Variants in TANC2 observed in about 807,000 individuals in gnomAD.
TANC2 encodes tetratricopeptide repeat, ankyrin repeat and coiled-coil containing 2.
A neutral mutation model predicts 210.5 loss-of-function variants in TANC2; 26 were observed. The observed-to-expected ratio is 0.12, with a 90% CI of 0.09 to 0.17. The LOEUF (loss-of-function observed/expected upper bound fraction) is 0.17, where lower values mean the gene tolerates loss of function less well. TANC2 is among the 10% of genes least tolerant of loss of function. The pLI is 1.00. For synonymous variants in TANC2, 931 were observed against 967.1 expected (o/e 0.96, Z 0.69); for missense variants, 2,129 against 2,608.9 (o/e 0.82, Z 4.01).
intron 2 of TANC2, among the ~76,000 whole-genome samples, chr17:63,053,266 T>G (rs575959519): frequency 6.6e-6 from 1 of 152,224 alleles, no homozygotes; most frequent in Non-Finnish European, 1.5e-5. Context: ...CGGAAGTTCT[T>G]TCTAATCTCT....
chr17:63,132,889 C>G (rs1028917485), intron 4 of TANC2, among the ~76,000 whole-genome samples: 3 of 152,146 alleles, frequency 2.0e-5, no homozygotes, highest in Admixed American at 6.5e-5. Context: ...GACAAAGACT[C>G]ACTTTGTTTT....
intron 11 of TANC2, chr17:63,332,513 A>T: frequency 2.5e-6 from 1 of 397,312 alleles, no homozygotes. Flanking sequence ...AATCAGCCCC[A>T]CTGGATTTAG....
At chr17:63,305,421 C>G (rs1286803522) in intron 9 of TANC2, 2 of 152,186 alleles carry the variant, frequency 1.3e-5, no homozygotes, top group Non-Finnish European at 2.9e-5. Context: ...ATGATGGAAC[C>G]TGGGTACCTC....
rs565315190 is a variant in TANC2 at position 63,333,263 on chromosome 17, A to G, written c.1576-6838A>G. Among the ~76,000 whole-genome samples, 39 of 152,348 alleles carry G rather than the reference A, an allele frequency of 2.6e-4. 1 individual carries two copies. The South Asian group carries it at 8.1e-3, about 32-fold the overall frequency. On this transcript the variant is annotated intron_variant, in intron 11 of 27. Transcript: ENST00000689528. Reference sequence around the variant, plus strand: ...GAAAAGATTCACCATTCTAGATGCCATTAAGAACATCTATGATTCATAGGA... The same window carrying G: ...GAAAAGATTCACCATTCTAGATGCCGTTAAGAACATCTATGATTCATAGGA...
At chr17:63,402,020 G>A (rs897800922) in intron 19 of TANC2, among the ~76,000 whole-genome samples, 3 of 152,162 alleles carry the variant, frequency 2.0e-5, no homozygotes, top group East Asian at 1.9e-4. Context: ...TAGTCTGTTT[G>A]TGTCACTTTC....
rs190268905 is a variant in TANC2, at chr17:63,021,199, G to A, written c.67+11573G>A. Reference sequence around the variant, plus strand: ...TGAATAATGAATGCTCATAATAAACGATGTATGTGCAATAGTATGTAATGC... The same window carrying A: ...TGAATAATGAATGCTCATAATAAACAATGTATGTGCAATAGTATGTAATGC... On this transcript the variant is annotated intron_variant, in intron 2 of 27. Coordinates refer to ENST00000689528, the Ensembl canonical transcript of TANC2. Among the ~76,000 whole-genome samples the A allele has an allele frequency of 4.7e-3, 711 of 152,210 alleles. 5 individuals carry two copies. The highest frequency in any genetic ancestry group is 0.017 in the African/African-American group (687 of 41,522).
chr17:63,236,682 C>A (rs1298340925), intron 7 of TANC2, among the ~76,000 whole-genome samples: 1 of 152,110 alleles, frequency 6.6e-6, no homozygotes, highest in East Asian at 1.9e-4. Flanking sequence ...GCTCCATTGT[C>A]CGTCATTCCA....
At chr17:63,164,871 A>G (rs1422086309) in intron 5 of TANC2, among the ~76,000 whole-genome samples, 1 of 152,206 alleles carries the variant, frequency 6.6e-6, no homozygotes, top group Non-Finnish European at 1.5e-5. Flanking sequence ...GATCTTCTTT[A>G]CTTGGTCTAC....
chr17:63,312,949 CAGTT>C (rs1263563848), intron 9 of TANC2, among the ~76,000 whole-genome samples: 1 of 152,086 alleles, frequency 6.6e-6, no homozygotes, highest in Non-Finnish European at 1.5e-5. Flanking sequence ...TTTAAATGCT[CAGTT>C]ATTCTAGTGG....
At chr17:63,269,471 ACCT>A (rs2043631384) in intron 9 of TANC2, among the ~76,000 whole-genome samples, 1 of 152,176 alleles carries the variant, frequency 6.6e-6, no homozygotes. Context: ...ATCTATATGG[ACCT>A]TCAGATTTGA....
chr17:63,194,027 T>C, exon 6 of TANC2: 3 of 1,613,262 alleles, frequency 1.9e-6, no homozygotes, highest in Non-Finnish European at 8.5e-7. Flanking sequence ...CCTCCATCTG[T>C]AGATGAGGCA....
At chr17:63,010,572 C>T (rs2033821654) in intron 2 of TANC2, among the ~76,000 whole-genome samples, 1 of 151,880 alleles carries the variant, frequency 6.6e-6, no homozygotes, top group African/African-American at 2.4e-5. Context: ...TTAGCACAGA[C>T]CCTATGGGTT....
At chr17:63,333,884 A>G (rs535429602) in intron 11 of TANC2, 119 of 152,344 alleles carry the variant, frequency 7.8e-4, no homozygotes, top group African/African-American at 2.7e-3. Flanking sequence ...TCATGTGATC[A>G]TTAGCATTTT....
At chr17:63,061,655 T>A (rs1304444654) in intron 2 of TANC2, among the ~76,000 whole-genome samples, 1 of 152,098 alleles carries the variant, frequency 6.6e-6, no homozygotes, top group African/African-American at 2.4e-5. Flanking sequence ...TACATATACA[T>A]GCAGGGTTTT....
At position 63,227,744 on chromosome 17, in the gene TANC2, T is replaced by C. The variant is rs533948165; in HGVS notation, c.770-10070T>C. On this transcript the variant is annotated intron_variant, in intron 7 of 27. Transcript: ENST00000689528. ...CTAGGGTTTTTATTGTTTTGGGTTT[T>C]ACATTTAAGTCTTTAATTCATCTTG... Among the ~76,000 whole-genome samples the C allele has an allele frequency of 2.0e-5, 3 of 152,318 alleles. No individual in the cohort carries two copies. The South Asian group carries it at 6.2e-4, about 32-fold the overall frequency.
intron 2 of TANC2, among the ~76,000 whole-genome samples, chr17:63,027,171 T>G (rs2034585991): frequency 6.6e-6 from 1 of 152,152 alleles, no homozygotes; most frequent in Admixed American, 6.5e-5. Context: ...AACAACAATT[T>G]TTTTAAAGTA....
At chr17:63,081,974 G>A (rs1447756930) in intron 3 of TANC2, among the ~76,000 whole-genome samples, 1 of 152,016 alleles carries the variant, frequency 6.6e-6, no homozygotes, top group East Asian at 1.9e-4. Flanking sequence ...GACCATCCTG[G>A]CTAACATTGT....
chr17:63,167,803 T>C (rs1277651033), intron 5 of TANC2, among the ~76,000 whole-genome samples: 1 of 142,058 alleles, frequency 7.0e-6, no homozygotes, highest in African/African-American at 2.7e-5. Context: ...GAGAATCACT[T>C]GAGTCCAGGA....
intron 5 of TANC2, among the ~76,000 whole-genome samples, chr17:63,160,564 C>T (rs1396388374): frequency 1.3e-5 from 2 of 152,034 alleles, no homozygotes; most frequent in Non-Finnish European, 2.9e-5. Context: ...TGTTGCTGAA[C>T]ATTTAAATTG....
Sources: allele counts gnomAD v4.1 joint callset (sites outside exome capture counted in the v4.1 genomes callset), GRCh38; gene constraint gnomAD v4.1.1; transcripts MANE v1.5; gene names NCBI Gene and HGNC (gene_info 2026-07-23, HGNC 2026-07-21).